IGF1: variants seen among roughly 807,000 people sequenced by gnomAD.
IGF1 encodes insulin like growth factor 1, also known as insulin-like growth factor 1.
In IGF1, 4 loss-of-function variants were observed where a neutral mutation model predicts 13.8. The observed-to-expected ratio is 0.29, with a 90% confidence interval of 0.14 to 0.66. The LOEUF (loss-of-function observed/expected upper bound fraction) is 0.66. Ranked by LOEUF, IGF1 falls within the 30% of genes least tolerant of loss-of-function variation. IGF1 has a pLI of 0.78. For synonymous variants in IGF1, 76 were observed against 72.6 expected (o/e 1.05, Z -0.23); for missense variants, 124 against 188.5 (o/e 0.66, Z 2.00).
chr12:102,449,720 G>A (rs947445145), intron 2 of IGF1, among the ~76,000 whole-genome samples: 5 of 147,328 alleles, frequency 3.4e-5, no homozygotes, highest in African/African-American at 1.2e-4. Flanking sequence ...ATTCCTCTAG[G>A]GTTGAATCCT....
intron 2 of IGF1, among the ~76,000 whole-genome samples, chr12:102,458,728 A>C (rs1457140900): frequency 1.4e-5 from 2 of 146,146 alleles, no homozygotes; most frequent in South Asian, 2.2e-4. Flanking sequence ...AGGAACACTG[A>C]CCAAAAAAAA....
At chr12:102,426,306 C>T (rs1232094772) in intron 2 of IGF1, among the ~76,000 whole-genome samples, 1 of 152,176 alleles carries the variant, frequency 6.6e-6, no homozygotes, top group Non-Finnish European at 1.5e-5. Context: ...CCAGGACTGG[C>T]ATGAAGATTA....
chr12:102,450,122 T>C (rs550555157), intron 2 of IGF1, among the ~76,000 whole-genome samples: 1 of 152,346 alleles, frequency 6.6e-6, no homozygotes, highest in South Asian at 2.1e-4. Flanking sequence ...TTTCATATAG[T>C]AGATTTTCTA....
intron 2 of IGF1, among the ~76,000 whole-genome samples, chr12:102,443,648 C>G (rs1480767055): frequency 6.6e-6 from 1 of 152,036 alleles, no homozygotes; most frequent in African/African-American, 2.4e-5. Context: ...CAACAGATCA[C>G]TGGCTGGCTA....
chr12:102,449,565 C>T (rs965619736), intron 2 of IGF1, among the ~76,000 whole-genome samples: 41 of 151,102 alleles, frequency 2.7e-4, no homozygotes, highest in African/African-American at 9.2e-4. Context: ...TGGTATGATA[C>T]CCCATTGCTA....
intron 2 of IGF1, among the ~76,000 whole-genome samples, chr12:102,431,378 C>T (rs1876724381): frequency 1.3e-5 from 2 of 152,180 alleles, no homozygotes; most frequent in South Asian, 4.1e-4. Flanking sequence ...TTCTCCTTGA[C>T]ATTTAGAAAA....
intron 2 of IGF1, among the ~76,000 whole-genome samples, chr12:102,428,542 C>G (rs1592765303): frequency 6.6e-6 from 1 of 151,990 alleles, no homozygotes; most frequent in Admixed American, 6.6e-5. Context: ...GTGATAGAAT[C>G]AAACTACATT....
intron 1 of IGF1, among the ~76,000 whole-genome samples, chr12:102,479,444 T>G (rs980662750): frequency 6.6e-6 from 1 of 151,972 alleles, no homozygotes; most frequent in Non-Finnish European, 1.5e-5. Flanking sequence ...ATAATTTTGC[T>G]GAGAATGGAA....
intron 1 of IGF1, among the ~76,000 whole-genome samples, chr12:102,476,264 A>G (rs755000877): frequency 2.0e-5 from 3 of 152,188 alleles, no homozygotes; most frequent in Non-Finnish European, 4.4e-5. Context: ...CATAGATGGT[A>G]TATGCATTCA....
At chr12:102,448,394 A>G (rs1236622077) in intron 2 of IGF1, among the ~76,000 whole-genome samples, 3 of 149,594 alleles carry the variant, frequency 2.0e-5, no homozygotes, top group Non-Finnish European at 4.4e-5. Flanking sequence ...TTGTAGGGAC[A>G]TGGATGAAAT....
chr12:102,404,223 C>T (rs1421780744), intron 3 of IGF1, among the ~76,000 whole-genome samples: 1 of 152,158 alleles, frequency 6.6e-6, no homozygotes, highest in Non-Finnish European at 1.5e-5. Flanking sequence ...AAACTGTCTT[C>T]TGGCTAAGGT....
At position 102,454,168 on chromosome 12, in the gene IGF1, C is replaced by A. The variant is rs1319039071; in HGVS notation, c.220+21475G>T. 1.5e-4 allele frequency among the ~76,000 whole-genome samples: 23 copies of A among 152,150 alleles called. 1 individual carries two copies. Among genetic ancestry groups the A allele is most frequent in the Admixed American group, 1.5e-3 (23 of 15,278 alleles). On this transcript the variant is annotated intron_variant, in intron 2 of 3. Transcript: ENST00000337514. ...CTTCTATTGAGTTAGTTTCTGTGTC[C>A]AGAATTTTTCCATCTATCAAAATCC...
chr12:102,478,710 C>T, intron 1 of IGF1: 2 of 1,255,220 alleles, frequency 1.6e-6, no homozygotes, highest in Non-Finnish European at 2.1e-6. Context: ...AATTGCACAG[C>T]TGGGATTTAA....
chr12:102,478,413 T>C, intron 1 of IGF1: 1 of 975,516 alleles, frequency 1.0e-6, no homozygotes, highest in Non-Finnish European at 1.4e-6. Context: ...GAATATTAAT[T>C]GATTCCAGAT....
At chr12:102,475,192 A>T (rs1314549024) in intron 2 of IGF1, among the ~76,000 whole-genome samples, 3 of 151,762 alleles carry the variant, frequency 2.0e-5, no homozygotes, top group African/African-American at 7.3e-5. Context: ...GCCCTTTAAT[A>T]TTTTTTTTCC....
chr12:102,415,087 G>A (rs533640950), intron 3 of IGF1, among the ~76,000 whole-genome samples: 3 of 152,300 alleles, frequency 2.0e-5, no homozygotes, highest in East Asian at 3.9e-4. Context: ...TACAATACTT[G>A]TATAAGCATA....
intron 3 of IGF1, among the ~76,000 whole-genome samples, chr12:102,412,501 C>T (rs759072520): frequency 2.0e-5 from 3 of 152,152 alleles, no homozygotes; most frequent in Non-Finnish European, 4.4e-5. Flanking sequence ...CTGCCAAGGA[C>T]ATTTAGAATT....
At chr12:102,445,299 T>C (rs1878218119) in intron 2 of IGF1, among the ~76,000 whole-genome samples, 1 of 152,212 alleles carries the variant, frequency 6.6e-6, no homozygotes, top group African/African-American at 2.4e-5. Context: ...TTGATGGGAA[T>C]AGCATTGAAT....
chr12:102,464,954 C>T (rs1032138695), intron 2 of IGF1, among the ~76,000 whole-genome samples: 4 of 152,146 alleles, frequency 2.6e-5, no homozygotes, highest in Non-Finnish European at 5.9e-5. Context: ...CCAATCACCT[C>T]GTGGGGAACA....
Sources: gnomAD v4.1 joint callset for allele counts (sites outside exome capture counted in the v4.1 genomes callset) on GRCh38, gnomAD v4.1.1 for gene constraint, MANE v1.5 for transcripts, NCBI Gene and HGNC (gene_info 2026-07-23, HGNC 2026-07-21) for gene names.